The following MACROD2 variants were observed in gnomAD, a reference collection of about 807,000 sequenced individuals.
The protein encoded by MACROD2 is mono-ADP ribosylhydrolase 2, also known as ADP-ribose glycohydrolase MACROD2.
A neutral mutation model predicts 70.4 loss-of-function variants in MACROD2; 36 were observed. The ratio of observed to expected loss-of-function variants is 0.51; its 90% confidence interval spans 0.39 to 0.68. The LOEUF is 0.68. Among genes scored for constraint, MACROD2 ranks in the 30% least tolerant of loss-of-function variants. The pLI, the probability that MACROD2 is intolerant of heterozygous loss-of-function variation, is 0.00. For synonymous variants in MACROD2, 172 were observed against 178.8 expected, an observed-to-expected ratio of 0.96 and a Z score of 0.30; for missense variants, 496 against 538.4, an observed-to-expected ratio of 0.92 and a Z score of 0.78.
chr20:14,959,093 T>G (rs1838896160), intron 5 of MACROD2, among the ~76,000 whole-genome samples: 2 of 152,156 alleles, frequency 1.3e-5, no homozygotes, highest in Non-Finnish European at 2.9e-5. Context: ...TCAGCAGGGA[T>G]TCTTCTGGTG....
chr20:14,869,808 A>G (rs2073467886), intron 5 of MACROD2, among the ~76,000 whole-genome samples: 1 of 152,192 alleles, frequency 6.6e-6, no homozygotes, highest in South Asian at 2.1e-4. Flanking sequence ...ACATGCTATA[A>G]TAGATAAACA....
At chr20:15,748,177 G>A (rs2051212662) in intron 8 of MACROD2, among the ~76,000 whole-genome samples, 1 of 152,000 alleles carries the variant, frequency 6.6e-6, no homozygotes, top group Non-Finnish European at 1.5e-5. Flanking sequence ...AAAATAACTT[G>A]GGAAGATTCC....
intron 6 of MACROD2, among the ~76,000 whole-genome samples, chr20:15,354,313 A>T (rs13042677): frequency 6.6e-6 from 1 of 152,088 alleles, no homozygotes; most frequent in East Asian, 1.9e-4. Flanking sequence ...GAACACATGG[A>T]CACAGGAAGG....
intron 3 of MACROD2, among the ~76,000 whole-genome samples, chr20:14,091,576 A>C (rs1042567891): frequency 6.6e-6 from 1 of 152,214 alleles, no homozygotes; most frequent in Non-Finnish European, 1.5e-5. Flanking sequence ...ATATATATCA[A>C]AACATCACAT....
At chr20:15,361,186 T>C (rs1219691348) in intron 6 of MACROD2, among the ~76,000 whole-genome samples, 1 of 152,180 alleles carries the variant, frequency 6.6e-6, no homozygotes, top group East Asian at 1.9e-4. Flanking sequence ...AATTTCATAG[T>C]TTTATATTTT....
intron 5 of MACROD2, among the ~76,000 whole-genome samples, chr20:14,874,538 G>A (rs997775620): frequency 6.6e-6 from 1 of 151,614 alleles, no homozygotes; most frequent in African/African-American, 2.4e-5. Context: ...CAAGCATTGA[G>A]CAAGATAGAA....
intron 4 of MACROD2, among the ~76,000 whole-genome samples, chr20:14,543,282 GACAGA>G (rs2085454965): frequency 6.6e-6 from 1 of 152,140 alleles, no homozygotes; most frequent in South Asian, 2.1e-4. Context: ...TCCCAGGCAG[GACAGA>G]ACAGAACAGC....
At chr20:14,435,711 C>CT (rs2122942120) in intron 3 of MACROD2, among the ~76,000 whole-genome samples, 1 of 119,476 alleles carries the variant, frequency 8.4e-6, no homozygotes, top group African/African-American at 2.7e-5. Context: ...TTATAGAAGT[C>CT]ATTTTTTTTT....
chr20:15,117,989 C>A (rs545236966), intron 5 of MACROD2, among the ~76,000 whole-genome samples: 1 of 152,096 alleles, frequency 6.6e-6, no homozygotes, highest in East Asian at 1.9e-4. Flanking sequence ...ATGTGTTTTA[C>A]TTTTTTGTGG....
chr20:14,403,474 A>C (rs949875711), intron 3 of MACROD2, among the ~76,000 whole-genome samples: 1 of 152,230 alleles, frequency 6.6e-6, no homozygotes, highest in Non-Finnish European at 1.5e-5. Context: ...ACTCTTCAGT[A>C]AATGATCAGA....
intron 5 of MACROD2, among the ~76,000 whole-genome samples, chr20:15,160,276 A>G (rs1357059696): frequency 2.6e-5 from 4 of 152,042 alleles, no homozygotes; most frequent in African/African-American, 9.7e-5. Flanking sequence ...AAAGAGGATG[A>G]ATGTAAGAGA....
At position 15,934,688 on chromosome 20, in the gene MACROD2, TTTTTG is replaced by T. The variant is rs527362455; in HGVS notation, c.838+1370_838+1374del. On this transcript the variant is annotated intron_variant, in intron 11 of 17. Coordinates refer to ENST00000684519, the MANE Select transcript of MACROD2 (RefSeq NM_001351661.2). ...ACTGTTTTTTTTGTTTGTTTTTTGT[TTTTTG>T]TTTTGTTTTGTTTTGTTTTTTTGAG... Among the ~76,000 whole-genome samples the T allele has an allele frequency of 7.4e-3, 1,123 of 150,940 alleles. 14 individuals are homozygous for T. The highest frequency in any genetic ancestry group is 0.026 in the African/African-American group (1,065 of 41,348).
chr20:14,470,021 G>T (rs1020749008), intron 3 of MACROD2, among the ~76,000 whole-genome samples: 2 of 151,992 alleles, frequency 1.3e-5, no homozygotes, highest in Middle Eastern at 3.2e-3. Flanking sequence ...CTGGTTTTTG[G>T]AATTTTCAGC....
chr20:15,201,357 G>A (rs890890058), intron 5 of MACROD2, among the ~76,000 whole-genome samples: 3 of 152,056 alleles, frequency 2.0e-5, no homozygotes, highest in Non-Finnish European at 2.9e-5. Context: ...AACTATTTTG[G>A]CCATGTCTCC....
intron 15 of MACROD2, among the ~76,000 whole-genome samples, chr20:16,008,430 G>C (rs1476618658): frequency 6.6e-6 from 1 of 152,152 alleles, no homozygotes; most frequent in Non-Finnish European, 1.5e-5. Flanking sequence ...AATAGAAATT[G>C]CTTCAGCCCC....
At chr20:15,484,100 C>A (rs1416363841) in intron 7 of MACROD2, among the ~76,000 whole-genome samples, 7 of 96,448 alleles carry the variant, frequency 7.3e-5, no homozygotes, top group Non-Finnish European at 1.1e-4. Context: ...TGTCTTGCTG[C>A]TTTATCTAGG....
intron 8 of MACROD2, among the ~76,000 whole-genome samples, chr20:15,572,403 AT>A (rs11087139): frequency 0.19 from 28,346 of 152,020 alleles, 2,846 homozygotes; most frequent in Middle Eastern, 0.3. Flanking sequence ...AAAATTAACC[AT>A]TTCTCATATG....
intron 5 of MACROD2, among the ~76,000 whole-genome samples, chr20:14,881,802 A>G (rs1244285980): frequency 6.6e-6 from 1 of 152,132 alleles, no homozygotes; most frequent in Non-Finnish European, 1.5e-5. Context: ...GTCTAAGTCA[A>G]TAAAGGGACC....
chr20:15,257,766 T>C, intron 6 of MACROD2, among the ~76,000 whole-genome samples: 1 of 152,120 alleles, frequency 6.6e-6, no homozygotes, highest in East Asian at 1.9e-4. Context: ...GAATTTGCTA[T>C]ACTTCTTATC....
Sources: allele counts gnomAD v4.1 joint callset (sites outside exome capture counted in the v4.1 genomes callset), GRCh38; gene constraint gnomAD v4.1.1; transcripts MANE v1.5; gene names NCBI Gene and HGNC (gene_info 2026-07-23, HGNC 2026-07-21).